The following RABEP1 variants were observed in gnomAD, a reference collection of about 807,000 sequenced individuals.
RABEP1 encodes rab GTPase-binding effector protein 1.
RABEP1 carries 51 observed loss-of-function variants against 123.4 expected under a neutral mutation model. The ratio of observed to expected loss-of-function variants is 0.41; its 90% confidence interval spans 0.33 to 0.52. The LOEUF is 0.52. Among genes scored for constraint, RABEP1 ranks in the 20% least tolerant of loss-of-function variants. RABEP1 has a pLI of 0.16. For synonymous variants in RABEP1, 347 were observed against 355.2 expected, an observed-to-expected ratio of 0.98 and a Z score of 0.26; for missense variants, 888 against 996.3, an observed-to-expected ratio of 0.89 and a Z score of 1.46.
chr17:5,380,162 A>G (rs1911331220), intron 15 of RABEP1, among the ~76,000 whole-genome samples: 1 of 152,214 alleles, frequency 6.6e-6, no homozygotes, highest in Admixed American at 6.5e-5. Context: ...GCCTTAGAAT[A>G]TAGTAGGCAC....
chr17:5,354,268 C>T (rs921379389), intron 7 of RABEP1, 91 bp from the exon 8 acceptor site: 5 of 1,234,700 alleles, frequency 4.0e-6, no homozygotes, highest in Non-Finnish European at 5.6e-6. Context: ...TCATAACGCT[C>T]TGTTCTTTAT....
chr17:5,354,357 A>T lies in RABEP1; in HGVS notation c.964-2A>T. 6.2e-7 allele frequency: 1 copy of T among 1,606,396 alleles called. No homozygotes were observed. Among genetic ancestry groups the T allele is most frequent in the South Asian group, 1.1e-5 (1 of 89,396 alleles). On this transcript the variant is annotated splice_acceptor_variant, in intron 7 of 17. Coordinates refer to ENST00000537505, the MANE Select transcript of RABEP1 (RefSeq NM_004703.6). LOFTEE classifies it high-confidence loss of function. ...ATATATATGTTTTTTTCTTCCTTTTAGGAGGATGATGAACAACAAAGACTC... is the reference window on the plus strand; with the variant it reads ...ATATATATGTTTTTTTCTTCCTTTTTGGAGGATGATGAACAACAAAGACTC...
rs149696003 is a variant in RABEP1, at chr17:5,366,653, C to T, written c.1785+1415C>T. On this transcript the variant is annotated intron_variant, in intron 11 of 17. Coordinates refer to ENST00000537505, the MANE Select transcript of RABEP1 (RefSeq NM_004703.6). ...TAGAGATGGGGTTTCACGTTGTTGG[C>T]CAGGCTGGTCCTGAACTCCTGACCT... Among the ~76,000 whole-genome samples, 516 of 151,554 alleles carry T rather than the reference C, an allele frequency of 3.4e-3. 4 individuals carry two copies. Among genetic ancestry groups the T allele is most frequent in the African/African-American group, 0.012 (500 of 41,354 alleles).
rs1468395301 is a variant in RABEP1, at chr17:5,368,405, G to T, written c.1821G>T (p.Glu607Asp). Residue 607 changes from glutamate (E) to aspartate (D), a missense_variant, in exon 12 of 18, where the codon GAG becomes GAT. Coordinates refer to ENST00000537505, the MANE Select transcript of RABEP1 (RefSeq NM_004703.6). Reference protein sequence around the residue: ...SALVLRAQASEILLEELQQGL... With the variant: ...SALVLRAQASDILLEELQQGL... ...TCGTCCTAAGAGCCCAGGCCTCCGA[G>T]ATCTTACTTGAAGAGTTACAGCAGG... 2 of 1,613,860 alleles carry T rather than the reference G, an allele frequency of 1.2e-6. No individual in the cohort carries two copies. Among genetic ancestry groups the T allele is most frequent in the Non-Finnish European group, 1.7e-6 (2 of 1,179,930 alleles).
chr17:5,294,566 T>C (rs986109706), intron 1 of RABEP1, among the ~76,000 whole-genome samples: 15 of 107,702 alleles, frequency 1.4e-4, no homozygotes, highest in Admixed American at 6.3e-4. Context: ...TTGAATATCA[T>C]CAGATTTTGG....
intron 10 of RABEP1, 32 bp from the exon 11 acceptor site, chr17:5,365,090 G>T: frequency 7.2e-7 from 1 of 1,389,224 alleles, no homozygotes; most frequent in South Asian, 1.4e-5. Context: ...AAAGGATTCT[G>T]GTTTTTCTAA....
intron 9 of RABEP1, among the ~76,000 whole-genome samples, chr17:5,362,510 G>C (rs1472090239): frequency 6.6e-6 from 1 of 152,224 alleles, no homozygotes; most frequent in East Asian, 1.9e-4. Context: ...TAACACATAC[G>C]TGAGAAGGTG....
intron 11 of RABEP1, among the ~76,000 whole-genome samples, chr17:5,368,027 G>C (rs1910220247): frequency 1.3e-5 from 2 of 151,978 alleles, no homozygotes; most frequent in South Asian, 4.2e-4. Context: ...AAAGTGCTGG[G>C]ATTACAGGCA....
chr17:5,383,036 AATCTGCTAC>A (rs1911624885), intron 17 of RABEP1, 77 bp from the exon 18 acceptor site: 1 of 1,020,246 alleles, frequency 9.8e-7, no homozygotes, highest in African/African-American at 1.6e-5. Flanking sequence ...CTGGTGAGTT[AATCTGCTAC>A]ATCTCAGCTA....
At chr17:5,334,664 G>A (rs140543761) in intron 3 of RABEP1, among the ~76,000 whole-genome samples, 2,568 of 152,182 alleles carry the variant, frequency 0.017, 33 homozygotes, top group Middle Eastern at 0.051. Flanking sequence ...CACTATGCCC[G>A]GCCACGTTTT....
intron 13 of RABEP1, 99 bp downstream of exon 13, chr17:5,373,553 G>C (rs866559069): frequency 7.7e-7 from 1 of 1,299,896 alleles, no homozygotes. Context: ...TATAATTCAC[G>C]TGCCAATTCA....
At chr17:5,292,315 A>AAT (rs2075041070) in intron 1 of RABEP1, among the ~76,000 whole-genome samples, 1 of 152,056 alleles carries the variant, frequency 6.6e-6, no homozygotes, top group Admixed American at 6.6e-5. Flanking sequence ...TTTTTTAAAA[A>AAT]ATATATATAT....
At chr17:5,316,676 T>C (rs539584062) in intron 2 of RABEP1, among the ~76,000 whole-genome samples, 1 of 150,358 alleles carries the variant, frequency 6.7e-6, no homozygotes, top group African/African-American at 2.4e-5. Flanking sequence ...CTACTAGAAA[T>C]GCAAAAATTA....
chr17:5,378,168 TCC>T lies in RABEP1; in HGVS notation c.2216-8_2216-7del. 6.4e-7 allele frequency: 1 copy of T among 1,562,952 alleles called. No individual in the cohort carries two copies. Among genetic ancestry groups the T allele is most frequent in the Non-Finnish European group, 8.8e-7 (1 of 1,137,506 alleles). ...TGAATGCTAATACATCTCATTTTTTTCCTTCTAGCTTCTATTTCTAGCCTAAA... is the reference window on the plus strand; with the variant it reads ...TGAATGCTAATACATCTCATTTTTTTTTCTAGCTTCTATTTCTAGCCTAAA... On this transcript the variant is annotated splice_polypyrimidine_tract_variant and splice_region_variant and intron_variant, in intron 14 of 17. Coordinates refer to ENST00000537505, the MANE Select transcript of RABEP1 (RefSeq NM_004703.6).
At position 5,365,119 on chromosome 17, in the gene RABEP1, C is replaced by G; in HGVS notation, c.1669-3C>G. The G allele has an allele frequency of 6.4e-7, 1 of 1,567,578 alleles. No homozygotes were observed. Among genetic ancestry groups the G allele is most frequent in the Non-Finnish European group, 8.6e-7 (1 of 1,158,294 alleles). Reference sequence around the variant, plus strand: ...TTTCTAATTGACTTTTAAAATGATACAGGTGAAAAAACTACAGCTGATGCT... The same window carrying G: ...TTTCTAATTGACTTTTAAAATGATAGAGGTGAAAAAACTACAGCTGATGCT... On this transcript the variant is annotated splice_polypyrimidine_tract_variant and splice_region_variant and intron_variant, in intron 10 of 17. Transcript: ENST00000537505.
chr17:5,345,685 A>C (rs1908008073), intron 5 of RABEP1, among the ~76,000 whole-genome samples: 1 of 152,196 alleles, frequency 6.6e-6, no homozygotes, highest in Non-Finnish European at 1.5e-5. Flanking sequence ...CTGGACTGTC[A>C]ACCTTCAGTG....
intron 2 of RABEP1, among the ~76,000 whole-genome samples, chr17:5,329,456 G>A (rs1233293083): frequency 2.0e-5 from 3 of 152,190 alleles, no homozygotes; most frequent in Non-Finnish European, 2.9e-5. Context: ...TGTTGAACCC[G>A]GGAGGCAGAG....
intron 13 of RABEP1, among the ~76,000 whole-genome samples, chr17:5,375,567 A>C (rs1910921566): frequency 6.6e-6 from 1 of 152,062 alleles, no homozygotes; most frequent in Non-Finnish European, 1.5e-5. Context: ...ATGGTGGCAC[A>C]CACTTGTAGT....
chr17:5,306,627 G>GA (rs5819021), intron 1 of RABEP1, among the ~76,000 whole-genome samples: 47,326 of 144,544 alleles, frequency 0.33, 8,469 homozygotes, highest in East Asian at 0.66. Context: ...GACTCTGTCT[G>GA]AAAAAAAAAA....
Sources: gnomAD v4.1 joint callset for allele counts (sites outside exome capture counted in the v4.1 genomes callset) on GRCh38, gnomAD v4.1.1 for gene constraint, MANE v1.5 for transcripts, NCBI Gene and HGNC (gene_info 2026-07-23, HGNC 2026-07-21) for gene names.